PCDHGA11: variants seen among roughly 807,000 people sequenced by gnomAD.
PCDHGA11 encodes protocadherin gamma-A11.
Under a neutral mutation model 60.4 loss-of-function variants are expected in PCDHGA11, and 39 were observed. The ratio of observed to expected loss-of-function variants is 0.65; its 90% confidence interval spans 0.50 to 0.84. PCDHGA11 has a LOEUF of 0.84. Ranked by LOEUF, PCDHGA11 falls within the 40% of genes least tolerant of loss-of-function variation. PCDHGA11 has a pLI of 0.00. For synonymous variants in PCDHGA11, 533 were observed against 510.3 expected, an observed-to-expected ratio of 1.04 and a Z score of -0.60; for missense variants, 1,165 against 1,197.7, an observed-to-expected ratio of 0.97 and a Z score of 0.40.
intron 1 of PCDHGA11, among the ~76,000 whole-genome samples, chr5:141,437,614 A>G (rs113599071): frequency 3.1e-4 from 47 of 152,242 alleles, no homozygotes; most frequent in Non-Finnish European, 5.1e-4. Flanking sequence ...AATCTGCTTT[A>G]TCCCCATATA....
chr5:141,454,796 A>ATTTTTTTTTTTTTT lies in PCDHGA11; in HGVS notation c.2433+31152_2433+31165dup, dbSNP rs61612330. ...AAGGAAATAATCCTCCATGGTTCTA[A>ATTTTTTTTTTTTTT]TTTTTTTTTTTTTTTTTTTTTTTTT... On this transcript the variant is annotated intron_variant, in intron 1 of 3. Coordinates refer to ENST00000398587, the MANE Select transcript of PCDHGA11 (RefSeq NM_018914.3). 1.1e-3 allele frequency among the ~76,000 whole-genome samples: 87 copies of ATTTTTTTTTTTTTT among 77,456 alleles called. 11 individuals carry two copies. The highest frequency in any genetic ancestry group is 1.4e-3 in the Admixed American group (8 of 5,554). The allele number at this position is 77,456 out of a possible 152,430, so 50.8% of individuals were successfully genotyped here.
intron 1 of PCDHGA11, among the ~76,000 whole-genome samples, chr5:141,465,319 T>A (rs184635197): frequency 4.6e-5 from 7 of 152,324 alleles, no homozygotes; most frequent in Admixed American, 1.3e-4. Flanking sequence ...GCCATGTCAA[T>A]GCAGTATTTT....
intron 3 of PCDHGA11, among the ~76,000 whole-genome samples, chr5:141,505,969 A>G (rs1454691041): frequency 1.3e-5 from 2 of 152,142 alleles, no homozygotes; most frequent in Non-Finnish European, 2.9e-5. Context: ...AGAAATCCCC[A>G]GCCGAGAGAA....
rs1484954022 is a variant in PCDHGA11 at position 141,511,920 on chromosome 5, T to C, written c.*747T>C. 1 of 156,200 alleles carries C rather than the reference T, an allele frequency of 6.4e-6. No individual in the cohort carries two copies. Among genetic ancestry groups the C allele is most frequent in the Non-Finnish European group, 1.4e-5 (1 of 70,262 alleles). The allele number at this position is 156,200 out of a possible 1,614,324, so 9.7% of individuals were successfully genotyped here. The stretch of plus-strand genomic sequence containing the variant: ...CTCCTCCTCAAACAAGAGACTCCAC[T>C]GCATGTTCCAAGACAGTATGGGGTG... On this transcript the variant is annotated 3_prime_UTR_variant, in exon 4 of 4. Coordinates refer to ENST00000398587, the MANE Select transcript of PCDHGA11 (RefSeq NM_018914.3).
At chr5:141,478,236 T>C (rs2099440813) in intron 1 of PCDHGA11, 3 of 1,614,156 alleles carry the variant, frequency 1.9e-6, no homozygotes, top group Non-Finnish European at 2.5e-6. Flanking sequence ...GGGTTTGTGG[T>C]CACAGTGTTC....
intron 2 of PCDHGA11, among the ~76,000 whole-genome samples, chr5:141,501,306 C>T (rs1016823458): frequency 5.3e-5 from 8 of 151,412 alleles, no homozygotes; most frequent in Non-Finnish European, 8.8e-5. Context: ...CACACACACA[C>T]ACACACACAC....
chr5:141,463,764 G>A (rs2099069094), intron 1 of PCDHGA11, among the ~76,000 whole-genome samples: 1 of 151,916 alleles, frequency 6.6e-6, no homozygotes. Flanking sequence ...TTCTCTTATG[G>A]GTTAGAATCC....
chr5:141,423,465 G>T lies in PCDHGA11; in HGVS notation c.2238G>T (p.Gly746=). 6.2e-7 allele frequency: 1 copy of T among 1,614,006 alleles called. No individual in the cohort carries two copies. The highest frequency in any genetic ancestry group is 1.1e-5 in the South Asian group (1 of 91,084). The change falls in exon 1 of 4, where the codon GGG becomes GGT. Residue 746 remains glycine (G), a synonymous_variant. Coordinates refer to ENST00000398587, the MANE Select transcript of PCDHGA11 (RefSeq NM_018914.3). ...MPTSHFVGVD[G]VQAFLQTYSH... ...CGTCACATTTTGTAGGCGTGGACGG[G>T]GTACAGGCTTTCCTGCAAACCTATT...
At chr5:141,508,682 C>G (rs2099870913) in intron 3 of PCDHGA11, among the ~76,000 whole-genome samples, 1 of 152,080 alleles carries the variant, frequency 6.6e-6, no homozygotes, top group Non-Finnish European at 1.5e-5. Context: ...TCCCTTCTCC[C>G]TGCTTCTCCG....
chr5:141,435,027 AC>A (rs1485237615), intron 1 of PCDHGA11, among the ~76,000 whole-genome samples: 1 of 151,978 alleles, frequency 6.6e-6, no homozygotes, highest in Non-Finnish European at 1.5e-5. Flanking sequence ...CTCTTTTCCC[AC>A]TTTTATTTTT....
Position 141,493,404 on chromosome 5 carries a change from C to T in PCDHGA11, c.2434-1403C>T, listed in dbSNP as rs2099748048. Among the ~76,000 whole-genome samples, 1 of 152,148 alleles carries T rather than the reference C, an allele frequency of 6.6e-6. No individual in the cohort carries two copies. Among genetic ancestry groups the T allele is most frequent in the South Asian group, 2.1e-4 (1 of 4,826 alleles). ...CTTGAGGACAGGAGAGGGGAGTTGC[C>T]TCTGCTGGGATTTTGCTTCTGCTGG... On this transcript the variant is annotated intron_variant, in intron 1 of 3. Transcript: ENST00000398587. The surrounding 1 kb of genome is among the most constrained non-coding windows in gnomAD (Gnocchi z 4.3).
rs2099748032 is a variant in PCDHGA11 at position 141,493,397 on chromosome 5, G to A, written c.2434-1410G>A. ...TTAAAAGCTTGAGGACAGGAGAGGG[G>A]AGTTGCCTCTGCTGGGATTTTGCTT... On this transcript the variant is annotated intron_variant, in intron 1 of 3. Coordinates refer to ENST00000398587, the MANE Select transcript of PCDHGA11 (RefSeq NM_018914.3). This position sits in a 1 kb window ranked among gnomAD's most constrained non-coding sequence, Gnocchi z 4.3. Among the ~76,000 whole-genome samples the A allele has an allele frequency of 6.6e-6, 1 of 152,176 alleles. No individual in the cohort carries two copies. Among genetic ancestry groups the A allele is most frequent in the Non-Finnish European group, 1.5e-5 (1 of 68,040 alleles).
chr5:141,477,737 G>T lies in PCDHGA11; in HGVS notation c.2434-17070G>T, dbSNP rs1178108717. 1.2e-6 allele frequency: 2 copies of T among 1,613,846 alleles called. No homozygotes were observed. Among genetic ancestry groups the T allele is most frequent in the South Asian group, 1.1e-5 (1 of 91,088 alleles). ...ATTTGAATTAACAGCTCATATCAGC[G>T]ATGGGGGCACCCCGGTCCTAGCCAC... On this transcript the variant is annotated intron_variant, in intron 1 of 3. Coordinates refer to ENST00000398587, the MANE Select transcript of PCDHGA11 (RefSeq NM_018914.3). This position sits in a 1 kb window ranked among gnomAD's most constrained non-coding sequence, Gnocchi z 4.9.
At chr5:141,462,984 T>G (rs1349170605) in intron 1 of PCDHGA11, among the ~76,000 whole-genome samples, 1 of 152,156 alleles carries the variant, frequency 6.6e-6, no homozygotes, top group African/African-American at 2.4e-5. Context: ...ACTTTTGCCT[T>G]GGGCTAATTT....
chr5:141,489,447 G>A lies in PCDHGA11; in HGVS notation c.2434-5360G>A. The A allele has an allele frequency of 5.6e-6, 9 of 1,614,134 alleles. No homozygotes were observed. The highest frequency in any genetic ancestry group is 7.6e-6 in the Non-Finnish European group (9 of 1,180,028). ...GCCGGCGGCTGCAATTGGGCTCTGA[G>A]GAGAATGGGCGCTATTTTTCCCTGA... On this transcript the variant is annotated intron_variant, in intron 1 of 3. Coordinates refer to ENST00000398587, the MANE Select transcript of PCDHGA11 (RefSeq NM_018914.3). This position sits in a 1 kb window ranked among gnomAD's most constrained non-coding sequence, Gnocchi z 4.5.
In PCDHGA11 at chr5:141,489,104, A is replaced by C; in HGVS notation, c.2434-5703A>C. The stretch of plus-strand genomic sequence containing the variant: ...CCACTCGGTGACTAAGAACTGCTGC[A>C]AGCAGGCAAACCTCCGAGCAGTTTT... On this transcript the variant is annotated intron_variant, in intron 1 of 3. Coordinates refer to ENST00000398587, the MANE Select transcript of PCDHGA11 (RefSeq NM_018914.3). The surrounding 1 kb of genome is among the most constrained non-coding windows in gnomAD (Gnocchi z 4.5). 2.5e-6 allele frequency: 1 copy of C among 405,816 alleles called. No individual in the cohort carries two copies. Among genetic ancestry groups the C allele is most frequent in the Non-Finnish European group, 4.3e-6 (1 of 232,372 alleles). 25.1% of individuals were successfully genotyped at this position (405,816 alleles called of 1,614,324 possible). A position where few individuals can be genotyped will look rare whatever the true frequency, so the allele number is the denominator to read the frequency against.
chr5:141,455,660 G>A (rs1485792613), intron 1 of PCDHGA11, among the ~76,000 whole-genome samples: 1 of 152,134 alleles, frequency 6.6e-6, no homozygotes, highest in Non-Finnish European at 1.5e-5. Flanking sequence ...CCAGGAACTT[G>A]TGGGGCAAGG....
intron 1 of PCDHGA11, among the ~76,000 whole-genome samples, chr5:141,460,709 A>G (rs2098995845): frequency 6.6e-6 from 1 of 151,794 alleles, no homozygotes; most frequent in Non-Finnish European, 1.5e-5. Flanking sequence ...ATGAGAATAA[A>G]CTATTGTTAT....
intron 1 of PCDHGA11, among the ~76,000 whole-genome samples, chr5:141,468,946 C>G: frequency 7.0e-6 from 1 of 141,900 alleles, no homozygotes; most frequent in Non-Finnish European, 1.5e-5. Context: ...ATGGGGTAAA[C>G]CTGTGGTTTT....
Sources: allele counts gnomAD v4.1 joint callset (sites outside exome capture counted in the v4.1 genomes callset), GRCh38; gene constraint gnomAD v4.1.1; non-coding constraint Gnocchi (gnomAD v3.1); transcripts MANE v1.5; gene names NCBI Gene and HGNC (gene_info 2026-07-23, HGNC 2026-07-21).